The following ZIM2 variants were observed in gnomAD, a reference collection of about 807,000 sequenced individuals.
ZIM2 encodes zinc finger protein 656.
ZIM2 carries 14 observed loss-of-function variants against 38.6 expected under a neutral mutation model. The observed-to-expected ratio is 0.36, with a 90% CI of 0.24 to 0.57. The LOEUF (loss-of-function observed/expected upper bound fraction) is 0.57. ZIM2 is among the 20% of genes least tolerant of loss of function. ZIM2 has a pLI of 0.81. For missense variants in ZIM2, 680 were observed against 695.1 expected (o/e 0.98, Z 0.24); for synonymous variants, 247 against 245.8 (o/e 1.00, Z -0.04).
chr19:56,823,669 G>T lies in ZIM2; in HGVS notation c.27C>A (p.Asn9Lys), dbSNP rs996432771. 2 of 1,613,910 alleles carry T rather than the reference G, an allele frequency of 1.2e-6. No individual in the cohort carries two copies. The highest frequency in any genetic ancestry group is 2.7e-5 in the African/African-American group (2 of 74,894). MYQPEDDNNSDVTSDDDMT... is the reference protein window; with the variant it reads MYQPEDDNKSDVTSDDDMT... ...TGTCGTCGTCGCTGGTCACGTCACT[G>T]TTGTTGTCGTCTAAGAGGACACCGG... The change falls in exon 5 of 13, where the codon AAC becomes AAA. Residue 9 changes from asparagine to lysine, a missense_variant. Physicochemically the swap from Asn to Lys is moderately conservative, Grantham distance 94. Transcript: ENST00000629319.
intron 1 of ZIM2, among the ~76,000 whole-genome samples, chr19:56,836,442 C>T (rs1434199752): frequency 1.3e-5 from 2 of 152,120 alleles, no homozygotes; most frequent in Non-Finnish European, 2.9e-5. Flanking sequence ...ATGTTAGGAC[C>T]GCTATCCTAT....
chr19:56,786,337 A>G (rs2046603360), intron 10 of ZIM2, among the ~76,000 whole-genome samples: 1 of 152,086 alleles, frequency 6.6e-6, no homozygotes, highest in African/African-American at 2.4e-5. Flanking sequence ...TTGCTCTGTG[A>G]CTTTTTGGCA....
intron 1 of ZIM2, among the ~76,000 whole-genome samples, chr19:56,839,883 C>T (rs2062776826): frequency 6.6e-6 from 1 of 152,272 alleles, no homozygotes; most frequent in Admixed American, 6.5e-5. Flanking sequence ...TTGCCCCGCC[C>T]CATCTGCCGC....
intron 9 of ZIM2, chr19:56,816,147 C>T (rs1186310775): frequency 1.1e-5 from 18 of 1,613,726 alleles, no homozygotes; most frequent in Non-Finnish European, 1.4e-5. Flanking sequence ...AGACATTTTC[C>T]TTAGTGGGAA....
chr19:56,807,786 G>A, intron 9 of ZIM2, among the ~76,000 whole-genome samples: 1 of 139,824 alleles, frequency 7.2e-6, no homozygotes, highest in Non-Finnish European at 1.6e-5. Context: ...GTGAGACCTT[G>A]TCTCAAAAAA....
At chr19:56,830,848 C>A (rs1010531081) in intron 2 of ZIM2, among the ~76,000 whole-genome samples, 1 of 151,938 alleles carries the variant, frequency 6.6e-6, no homozygotes, top group East Asian at 1.9e-4. Context: ...TGCAGGGGGG[C>A]CCTGGGAGGT....
chr19:56,802,484 G>C (rs1049566463), intron 9 of ZIM2, among the ~76,000 whole-genome samples: 2 of 152,134 alleles, frequency 1.3e-5, no homozygotes, highest in Non-Finnish European at 2.9e-5. Context: ...CCTATCCTCC[G>C]TGTTAAGAAA....
intron 9 of ZIM2, among the ~76,000 whole-genome samples, chr19:56,795,653 C>G (rs1600772738): frequency 6.6e-6 from 1 of 152,118 alleles, no homozygotes; most frequent in Non-Finnish European, 1.5e-5. Flanking sequence ...AGGGCGGCGA[C>G]GTAGGAGGGC....
At chr19:56,839,835 C>G (rs545002075) in intron 1 of ZIM2, among the ~76,000 whole-genome samples, 2 of 151,628 alleles carry the variant, frequency 1.3e-5, no homozygotes, top group African/African-American at 4.8e-5. Context: ...GGGGCTTGAG[C>G]AGACGATTAC....
chr19:56,838,478 G>GC (rs958350954), intron 1 of ZIM2, among the ~76,000 whole-genome samples: 2 of 152,148 alleles, frequency 1.3e-5, no homozygotes, highest in African/African-American at 4.8e-5. Context: ...AGCCCCGCCA[G>GC]CAGGGCGCCT....
intron 2 of ZIM2, 31 bp from the exon 3 acceptor site, chr19:56,826,494 G>C (rs75190547): frequency 6.6e-6 from 1 of 152,208 alleles, no homozygotes; most frequent in Non-Finnish European, 1.5e-5. Context: ...GAAATACACA[G>C]ACTAAGAATA....
intron 12 of ZIM2, among the ~76,000 whole-genome samples, chr19:56,778,410 G>T (rs1392267997): frequency 1.3e-5 from 2 of 152,186 alleles, no homozygotes; most frequent in Non-Finnish European, 2.9e-5. Context: ...GTGGAGGAGG[G>T]CTGTGTCAAT....
intron 6 of ZIM2, among the ~76,000 whole-genome samples, chr19:56,822,055 G>A (rs549242172): frequency 1.1e-4 from 17 of 152,062 alleles, no homozygotes; most frequent in East Asian, 3.9e-4. Context: ...CTCATCCTTC[G>A]GGCACAACCT....
chr19:56,789,649 C>T (rs891151234), intron 10 of ZIM2, among the ~76,000 whole-genome samples: 18 of 150,860 alleles, frequency 1.2e-4, no homozygotes, highest in Admixed American at 4.0e-4. Context: ...AAGTAAAGCA[C>T]GGAAGGAGGA....
intron 12 of ZIM2, among the ~76,000 whole-genome samples, chr19:56,776,977 T>C (rs1018721442): frequency 6.6e-6 from 1 of 152,212 alleles, no homozygotes; most frequent in Non-Finnish European, 1.5e-5. Flanking sequence ...TGGGAGGAAC[T>C]TCAGTGTTTT....
At chr19:56,813,189 C>G (rs1411634469) in intron 9 of ZIM2, 9 of 959,000 alleles carry the variant, frequency 9.4e-6, no homozygotes, top group Non-Finnish European at 1.1e-5. Context: ...ATTTGTTGCT[C>G]TCTTCCTCCT....
intron 9 of ZIM2, among the ~76,000 whole-genome samples, chr19:56,801,932 T>C (rs1475925110): frequency 2.6e-5 from 4 of 152,138 alleles, no homozygotes. Flanking sequence ...ACTCACAGGA[T>C]ACCTATCCAT....
intron 11 of ZIM2, among the ~76,000 whole-genome samples, chr19:56,781,104 AGAG>A (rs1188262338): frequency 6.6e-6 from 1 of 152,238 alleles, no homozygotes; most frequent in African/African-American, 2.4e-5. Flanking sequence ...GTGGTAAGCT[AGAG>A]AAGAGTGTAA....
chr19:56,774,878 GCT>G lies in ZIM2; in HGVS notation c.1485_1486del (p.Arg495SerfsTer6), dbSNP rs752587920. On this transcript the variant is annotated frameshift_variant, in exon 13 of 13. Transcript: ENST00000629319. LOFTEE classifies it low-confidence loss of function (END_TRUNC). Reference sequence around the variant, plus strand: ...TCTGCCACAGTCACAACACTGGCAGGCTCTCTCTCCAACGTAGTCATGTTTCC... The same window carrying G: ...TCTGCCACAGTCACAACACTGGCAGGCTCTCTCCAACGTAGTCATGTTTCC... 6.2e-7 allele frequency: 1 copy of G among 1,614,186 alleles called. No individual in the cohort carries two copies. Among genetic ancestry groups the G allele is most frequent in the Non-Finnish European group, 8.5e-7 (1 of 1,180,028 alleles).
Sources: gnomAD v4.1 joint callset for allele counts (sites outside exome capture counted in the v4.1 genomes callset) on GRCh38, gnomAD v4.1.1 for gene constraint, MANE v1.5 for transcripts, NCBI Gene and HGNC (gene_info 2026-07-23, HGNC 2026-07-21) for gene names.